TAMM41: variants seen among roughly 807,000 people sequenced by gnomAD.
TAMM41 encodes TAM41 mitochondrial translocator assembly and maintenance homolog, also known as phosphatidate cytidylyltransferase, mitochondrial.
A neutral mutation model predicts 44.1 loss-of-function variants in TAMM41; 36 were observed. The observed-to-expected ratio is 0.82, with a 90% CI of 0.63 to 1.08. The LOEUF (loss-of-function observed/expected upper bound fraction) is 1.08. Among genes scored for constraint, TAMM41 ranks in the 50% least tolerant of loss-of-function variants. The pLI is 0.00. For synonymous variants in TAMM41, 164 were observed against 153.1 expected, an observed-to-expected ratio of 1.07 and a Z score of -0.53; for missense variants, 417 against 404.3, an observed-to-expected ratio of 1.03 and a Z score of -0.27.
the TAMM41 span, among the ~76,000 whole-genome samples, chr3:11,727,770 CT>C: frequency 1.1e-4 from 17 of 149,426 alleles, no homozygotes; most frequent in South Asian, 1.5e-3. Context: ...TGGCCTATTT[CT>C]TTTTTTTTCT....
intron 7 of TAMM41, among the ~76,000 whole-genome samples, chr3:11,793,402 G>T (rs909131439): frequency 2.0e-5 from 3 of 152,162 alleles, no homozygotes; most frequent in Non-Finnish European, 4.4e-5. Context: ...CTCTGCTAGT[G>T]CAAGTATAAA....
At chr3:11,758,796 C>A in the TAMM41 span, among the ~76,000 whole-genome samples, 1 of 152,202 alleles carries the variant, frequency 6.6e-6, no homozygotes, top group East Asian at 1.9e-4. Context: ...GCCTCAGCCT[C>A]CTGAGTAACT....
At chr3:11,741,552 A>G in the TAMM41 span, among the ~76,000 whole-genome samples, 6 of 150,134 alleles carry the variant, frequency 4.0e-5, no homozygotes, top group South Asian at 1.2e-3. Context: ...CATGTCTTCC[A>G]CCCACTAACT....
chr3:11,820,389 C>T (rs1262696341), intron 4 of TAMM41, among the ~76,000 whole-genome samples: 1 of 152,246 alleles, frequency 6.6e-6, no homozygotes, highest in South Asian at 2.1e-4. Context: ...TTTAAAATAT[C>T]AAGGATTATG....
the TAMM41 span, among the ~76,000 whole-genome samples, chr3:11,782,546 C>CAAAAAA: frequency 2.1e-3 from 144 of 70,136 alleles, 2 homozygotes; most frequent in African/African-American, 7.0e-3. Context: ...GACCCTGTCT[C>CAAAAAA]AAAAAAAAAA....
intron 5 of TAMM41, among the ~76,000 whole-genome samples, chr3:11,812,672 G>A (rs1354456544): frequency 3.3e-5 from 5 of 152,276 alleles, no homozygotes; most frequent in South Asian, 2.1e-4. Context: ...ATCCCATGCC[G>A]TAAGTCCAGC....
At chr3:11,753,140 G>T in the TAMM41 span, among the ~76,000 whole-genome samples, 2 of 151,910 alleles carry the variant, frequency 1.3e-5, no homozygotes, top group African/African-American at 4.8e-5. Flanking sequence ...AGCACTGGCT[G>T]CCCTGGCCAG....
chr3:11,828,750 G>C (rs916993997), intron 4 of TAMM41, among the ~76,000 whole-genome samples: 1 of 152,162 alleles, frequency 6.6e-6, no homozygotes, highest in African/African-American at 2.4e-5. Context: ...CCGTAGTCAT[G>C]GTAGATGAAT....
chr3:11,765,980 C>T, the TAMM41 span, among the ~76,000 whole-genome samples: 13 of 151,854 alleles, frequency 8.6e-5, no homozygotes, highest in Non-Finnish European at 1.6e-4. Context: ...GGATTACAGG[C>T]GTGAGCAACC....
At chr3:11,843,099 G>A (rs1293729125) in intron 2 of TAMM41, among the ~76,000 whole-genome samples, 4 of 152,164 alleles carry the variant, frequency 2.6e-5, no homozygotes, top group East Asian at 1.9e-4. Flanking sequence ...AGAGGTTCCC[G>A]TCTATCACCT....
chr3:11,740,222 G>A, the TAMM41 span, among the ~76,000 whole-genome samples: 4,786 of 152,216 alleles, frequency 0.031, 220 homozygotes, highest in African/African-American at 0.1. Context: ...TGTCATTACT[G>A]CTGAAAATCC....
the TAMM41 span, among the ~76,000 whole-genome samples, chr3:11,781,307 A>G: frequency 1.3e-5 from 2 of 152,190 alleles, no homozygotes; most frequent in African/African-American, 2.4e-5. Flanking sequence ...TAGTGTTTGG[A>G]AAGAATGATG....
intron 3 of TAMM41, among the ~76,000 whole-genome samples, chr3:11,838,971 C>G (rs1476537840): frequency 6.6e-6 from 1 of 152,144 alleles, no homozygotes; most frequent in Non-Finnish European, 1.5e-5. Context: ...TCATCCCTAA[C>G]ACTCAGATAT....
chr3:11,816,176 G>A (rs2078269085), intron 5 of TAMM41, among the ~76,000 whole-genome samples: 1 of 148,430 alleles, frequency 6.7e-6, no homozygotes, highest in Non-Finnish European at 1.5e-5. Context: ...GGATGGAGAA[G>A]AGCATAAATG....
At chr3:11,788,469 T>C (rs1373084518), downstream of TAMM41, among the ~76,000 whole-genome samples, 16 of 152,110 alleles carry the variant, frequency 1.1e-4, no homozygotes, top group Admixed American at 1.0e-3. Flanking sequence ...AAAAACTTTT[T>C]GTAGTGATGT....
At chr3:11,761,652 GA>G in the TAMM41 span, among the ~76,000 whole-genome samples, 1 of 151,988 alleles carries the variant, frequency 6.6e-6, no homozygotes, top group African/African-American at 2.4e-5. Flanking sequence ...TTTGAATAAA[GA>G]GATCCTTCCC....
chr3:11,725,433 C>CCTCCTCCTCCTT, the TAMM41 span, among the ~76,000 whole-genome samples: 705 of 130,564 alleles, frequency 5.4e-3, 12 homozygotes, highest in African/African-American at 0.019. Context: ...CTTTCCTCCT[C>CCTCCTCCTCCTT]CTCCTCCTCC....
chr3:11,807,724 C>G (rs2077959634), intron 7 of TAMM41, 109 bp downstream of exon 7: 1 of 1,536,126 alleles, frequency 6.5e-7, no homozygotes, highest in Non-Finnish European at 8.7e-7. Flanking sequence ...GCCATCAAAG[C>G]TCAGCATTTC....
chr3:11,809,365 G>A, intron 6 of TAMM41, 152 bp downstream of exon 6: 1 of 841,906 alleles, frequency 1.2e-6, no homozygotes, highest in Non-Finnish European at 1.8e-6. Context: ...TGCAGATTTA[G>A]AAAACCCTCA....
Sources: allele counts gnomAD v4.1 joint callset (sites outside exome capture counted in the v4.1 genomes callset), GRCh38; gene constraint gnomAD v4.1.1; transcripts MANE v1.5; gene names NCBI Gene and HGNC (gene_info 2026-07-23, HGNC 2026-07-21).